Variants in DCDC1 observed in about 807,000 individuals in gnomAD.
The protein encoded by DCDC1 is doublecortin domain containing 1, also known as doublecortin domain-containing protein 1.
A neutral mutation model predicts 178.3 loss-of-function variants in DCDC1; 200 were observed. The ratio of observed to expected loss-of-function variants is 1.12; its 90% CI spans 1.00 to 1.26. The LOEUF (loss-of-function observed/expected upper bound fraction) is 1.26, where lower values mean the gene tolerates loss of function less well. DCDC1 is among the 50% of genes most tolerant of loss of function. DCDC1 has a pLI of 0.00. For synonymous variants in DCDC1, 690 were observed against 604.8 expected (o/e 1.14, Z -2.07); for missense variants, 1,983 against 1,749.2 (o/e 1.13, Z -2.38).
intron 17 of DCDC1, among the ~76,000 whole-genome samples, chr11:31,089,756 A>T (rs981033069): frequency 5.9e-5 from 9 of 151,902 alleles, no homozygotes; most frequent in Non-Finnish European, 1.3e-4. Context: ...CATATATTGT[A>T]GTTTTAATCT....
rs1334786896 is a variant in DCDC1 at position 30,968,703 on chromosome 11, ATATCAAAT to A, written c.2592-16143_2592-16136del. ...AAATTATATATATCAAATTATATATATATCAAATTATATATATATATATATATATATAT... is the reference window on the plus strand; with the variant it reads ...AAATTATATATATCAAATTATATATATATATATATATATATATATATATAT... On this transcript the variant is annotated intron_variant, in intron 20 of 38. Coordinates refer to ENST00000684477, the MANE Select transcript of DCDC1 (RefSeq NM_001387274.1). Among the ~76,000 whole-genome samples, 157 of 104,928 alleles carry A rather than the reference ATATCAAAT, an allele frequency of 1.5e-3. 2 individuals carry two copies. The highest frequency in any genetic ancestry group is 6.5e-3 in the African/African-American group (147 of 22,710). 68.8% of individuals were successfully genotyped at this position (104,928 alleles called of 152,430 possible).
chr11:31,197,120 G>C (rs1970786132), intron 9 of DCDC1, among the ~76,000 whole-genome samples: 1 of 151,982 alleles, frequency 6.6e-6, no homozygotes, highest in Non-Finnish European at 1.5e-5. Flanking sequence ...GTCACAGGGT[G>C]CAATAAGAGA....
At chr11:31,332,295 G>A (rs545943007) in intron 2 of DCDC1, among the ~76,000 whole-genome samples, 48 of 151,898 alleles carry the variant, frequency 3.2e-4, no homozygotes, top group African/African-American at 8.0e-4. Flanking sequence ...TCTTGCTAGC[G>A]GTCTATCAAT....
intron 20 of DCDC1, among the ~76,000 whole-genome samples, chr11:31,059,888 G>T (rs1248407599): frequency 1.3e-5 from 2 of 151,930 alleles, no homozygotes; most frequent in Non-Finnish European, 2.9e-5. Context: ...TAATATGTGG[G>T]TTTTTACAAT....
intron 9 of DCDC1, among the ~76,000 whole-genome samples, chr11:31,208,658 C>T (rs1415727830): frequency 6.6e-6 from 1 of 152,158 alleles, no homozygotes; most frequent in Non-Finnish European, 1.5e-5. Flanking sequence ...CTATGATCTG[C>T]ATGTCCCCAC....
intron 38 of DCDC1, among the ~76,000 whole-genome samples, chr11:30,866,727 A>G (rs1406445744): frequency 6.6e-6 from 1 of 152,070 alleles, no homozygotes. Flanking sequence ...TTGTTGTTTA[A>G]GCTACCCCTC....
At chr11:31,259,401 T>G (rs757414211) in intron 8 of DCDC1, among the ~76,000 whole-genome samples, 8 of 152,054 alleles carry the variant, frequency 5.3e-5, no homozygotes, top group Non-Finnish European at 1.0e-4. Context: ...AAAAGCTAAT[T>G]TTATACTATT....
intron 32 of DCDC1, among the ~76,000 whole-genome samples, chr11:30,902,427 C>T (rs1347544345): frequency 6.6e-6 from 1 of 152,076 alleles, no homozygotes; most frequent in Non-Finnish European, 1.5e-5. Flanking sequence ...ATAAATTAAC[C>T]AGCCTGTGGT....
At chr11:30,949,818 A>G (rs942325336) in intron 21 of DCDC1, among the ~76,000 whole-genome samples, 1 of 149,536 alleles carries the variant, frequency 6.7e-6, no homozygotes, top group African/African-American at 2.5e-5. Flanking sequence ...GAACAGATGG[A>G]CACAGGGAGG....
At chr11:30,979,238 A>G (rs975274925) in intron 20 of DCDC1, among the ~76,000 whole-genome samples, 20 of 152,340 alleles carry the variant, frequency 1.3e-4, no homozygotes, top group African/African-American at 4.6e-4. Flanking sequence ...ATGAAACTCA[A>G]CAAGAAACAC....
intron 20 of DCDC1, among the ~76,000 whole-genome samples, chr11:30,973,340 T>C (rs1260043381): frequency 6.6e-6 from 1 of 151,092 alleles, no homozygotes; most frequent in African/African-American, 2.4e-5. Flanking sequence ...CCATGTGAAG[T>C]ACTGGCTCCC....
At chr11:31,113,974 C>G (rs1959438153) in intron 11 of DCDC1, among the ~76,000 whole-genome samples, 1 of 152,162 alleles carries the variant, frequency 6.6e-6, no homozygotes, top group African/African-American at 2.4e-5. Context: ...CCATGTTTCT[C>G]TTCCACCACC....
chr11:31,097,786 T>C (rs935059923), intron 15 of DCDC1, among the ~76,000 whole-genome samples: 2 of 152,228 alleles, frequency 1.3e-5, no homozygotes, highest in Non-Finnish European at 2.9e-5. Flanking sequence ...AGTATATACA[T>C]AATTTATACA....
intron 21 of DCDC1, among the ~76,000 whole-genome samples, chr11:30,945,949 T>C (rs1948021259): frequency 6.6e-6 from 1 of 152,128 alleles, no homozygotes; most frequent in African/African-American, 2.4e-5. Context: ...ACAGCCTCTT[T>C]TTTTGTTCGT....
At chr11:31,004,856 C>A (rs1951755446) in intron 20 of DCDC1, among the ~76,000 whole-genome samples, 1 of 151,924 alleles carries the variant, frequency 6.6e-6, no homozygotes, top group African/African-American at 2.4e-5. Flanking sequence ...CATTGTGTTG[C>A]TCTGTGATTT....
At chr11:31,187,686 C>T (rs1969666227) in intron 9 of DCDC1, among the ~76,000 whole-genome samples, 1 of 152,130 alleles carries the variant, frequency 6.6e-6, no homozygotes, top group Non-Finnish European at 1.5e-5. Context: ...AAATTGAAGT[C>T]CAACACTAGT....
intron 1 of DCDC1, among the ~76,000 whole-genome samples, chr11:31,364,720 A>G (rs1951875167): frequency 6.6e-6 from 1 of 152,184 alleles, no homozygotes; most frequent in African/African-American, 2.4e-5. Context: ...AAAGCAGATA[A>G]TAGACTGAGT....
At chr11:31,192,787 GT>G (rs1490125054) in intron 9 of DCDC1, among the ~76,000 whole-genome samples, 1 of 152,044 alleles carries the variant, frequency 6.6e-6, no homozygotes, top group Non-Finnish European at 1.5e-5. Context: ...CAGACAGCTG[GT>G]AAAACATTAT....
intron 20 of DCDC1, among the ~76,000 whole-genome samples, chr11:31,032,582 T>C (rs1323057631): frequency 6.6e-6 from 1 of 150,888 alleles, no homozygotes; most frequent in Non-Finnish European, 1.5e-5. Flanking sequence ...TAGGGAAAAA[T>C]ACTAATGAGA....
Sources: allele counts gnomAD v4.1 joint callset (sites outside exome capture counted in the v4.1 genomes callset), GRCh38; gene constraint gnomAD v4.1.1; transcripts MANE v1.5; gene names NCBI Gene and HGNC (gene_info 2026-07-23, HGNC 2026-07-21).